Variants in SPOCK1 observed in about 807,000 individuals in gnomAD.
The protein encoded by SPOCK1 is SPARC (osteonectin), cwcv and kazal like domains proteoglycan 1, also known as testican-1.
In SPOCK1, 23 loss-of-function variants were observed where a neutral mutation model predicts 55.3. The observed-to-expected ratio is 0.42, with a 90% CI of 0.30 to 0.59. The LOEUF (loss-of-function observed/expected upper bound fraction) is 0.59. SPOCK1 is among the 20% of genes least tolerant of loss of function. SPOCK1 has a pLI of 0.22. For synonymous variants in SPOCK1, 226 were observed against 221.0 expected, an observed-to-expected ratio of 1.02 and a Z score of -0.20; for missense variants, 499 against 552.5, an observed-to-expected ratio of 0.90 and a Z score of 0.97.
chr5:137,032,880 G>A (rs1751808696), intron 6 of SPOCK1, among the ~76,000 whole-genome samples: 2 of 151,936 alleles, frequency 1.3e-5, no homozygotes, highest in African/African-American at 4.8e-5. Flanking sequence ...GGCAGAGAAG[G>A]AGGGGGCAAC....
intron 2 of SPOCK1, among the ~76,000 whole-genome samples, chr5:137,326,137 TAGG>T (rs943221656): frequency 2.0e-5 from 3 of 152,084 alleles, no homozygotes; most frequent in African/African-American, 4.8e-5. Context: ...GCACTGATGA[TAGG>T]AGAAGAGGAA....
chr5:137,414,285 T>C (rs1752282774), intron 2 of SPOCK1, among the ~76,000 whole-genome samples: 1 of 152,232 alleles, frequency 6.6e-6, no homozygotes, highest in Non-Finnish European at 1.5e-5. Context: ...CCAGTATTTC[T>C]GAGTGGCAAA....
At chr5:137,027,155 C>T (rs925125130) in intron 6 of SPOCK1, among the ~76,000 whole-genome samples, 12 of 152,306 alleles carry the variant, frequency 7.9e-5, no homozygotes, top group African/African-American at 2.6e-4. Context: ...GCAAGAATTC[C>T]TGTGAGAGAC....
At chr5:137,265,144 T>C (rs1756825273) in intron 3 of SPOCK1, among the ~76,000 whole-genome samples, 1 of 152,214 alleles carries the variant, frequency 6.6e-6, no homozygotes, top group Non-Finnish European at 1.5e-5. Context: ...GGTGATTTTG[T>C]GGTTCCCAAA....
intron 2 of SPOCK1, among the ~76,000 whole-genome samples, chr5:137,314,994 A>T (rs915296969): frequency 2.6e-5 from 4 of 152,196 alleles, no homozygotes; most frequent in African/African-American, 9.7e-5. Context: ...GAGTGGCTGT[A>T]TGCACCAAAG....
chr5:137,438,671 G>A (rs1032939728), intron 2 of SPOCK1, among the ~76,000 whole-genome samples: 24 of 130,854 alleles, frequency 1.8e-4, no homozygotes, highest in Non-Finnish European at 3.8e-4. Context: ...CACACACACA[G>A]AAGCCACCAA....
chr5:137,498,171 G>A (rs1017731539), intron 2 of SPOCK1, among the ~76,000 whole-genome samples: 1 of 152,016 alleles, frequency 6.6e-6, no homozygotes, highest in South Asian at 2.1e-4. Context: ...TGGAGCCTTC[G>A]AAGTTCTCTT....
At chr5:137,181,886 C>G (rs1754977937) in intron 3 of SPOCK1, among the ~76,000 whole-genome samples, 1 of 152,212 alleles carries the variant, frequency 6.6e-6, no homozygotes, top group South Asian at 2.1e-4. Context: ...GACTGCAGGG[C>G]ATGGTAGACA....
Position 137,366,733 on chromosome 5 carries a change from G to A in SPOCK1, c.187-99678C>T, listed in dbSNP as rs149330206. On this transcript the variant is annotated intron_variant, in intron 2 of 10. Coordinates refer to ENST00000394945, the MANE Select transcript of SPOCK1 (RefSeq NM_004598.4). ...CTGCCAAGATATAAGTGATTAAGTA[G>A]GAGTTTAGTCAAAACAGATGCGGCA... is the stretch of plus-strand genomic sequence containing the variant. Among the ~76,000 whole-genome samples, 6 of 152,340 alleles carry A rather than the reference G, an allele frequency of 3.9e-5. No individual in the cohort carries two copies. In the East Asian group the frequency reaches 1.2e-3, roughly 29 times the overall value.
At chr5:137,037,412 G>T (rs1486135565) in intron 6 of SPOCK1, among the ~76,000 whole-genome samples, 1 of 151,092 alleles carries the variant, frequency 6.6e-6, no homozygotes. Flanking sequence ...CTCCATGAGA[G>T]CAAACCTTCC....
At chr5:137,075,712 T>C (rs1752744061) in intron 5 of SPOCK1, among the ~76,000 whole-genome samples, 1 of 152,142 alleles carries the variant, frequency 6.6e-6, no homozygotes, top group African/African-American at 2.4e-5. Context: ...CTTGCTGTCC[T>C]CCAGGCAATG....
intron 3 of SPOCK1, among the ~76,000 whole-genome samples, chr5:137,259,208 T>C (rs1756698565): frequency 6.6e-6 from 1 of 152,182 alleles, no homozygotes; most frequent in Non-Finnish European, 1.5e-5. Context: ...ACTGCGACAC[T>C]GTTCACAATA....
intron 2 of SPOCK1, among the ~76,000 whole-genome samples, chr5:137,427,918 A>T (rs1005340773): frequency 6.6e-6 from 1 of 151,700 alleles, no homozygotes; most frequent in Admixed American, 6.6e-5. Context: ...AAAAAAAAAA[A>T]AAAAAAAAAG....
chr5:136,986,606 AC>A (rs1750847287), intron 8 of SPOCK1, among the ~76,000 whole-genome samples: 1 of 152,176 alleles, frequency 6.6e-6, no homozygotes, highest in Non-Finnish European at 1.5e-5. Flanking sequence ...AAGCAAACCA[AC>A]CAGAATAACT....
chr5:137,076,062 C>T (rs1458360737), intron 5 of SPOCK1, among the ~76,000 whole-genome samples: 1 of 152,216 alleles, frequency 6.6e-6, no homozygotes, highest in African/African-American at 2.4e-5. Context: ...GGAGGACAAC[C>T]TGCTGTACAT....
At chr5:137,029,133 T>G (rs1751731311) in intron 6 of SPOCK1, among the ~76,000 whole-genome samples, 1 of 152,032 alleles carries the variant, frequency 6.6e-6, no homozygotes, top group Non-Finnish European at 1.5e-5. Context: ...AGGATGTGAG[T>G]ATTTTGGTCT....
intron 2 of SPOCK1, among the ~76,000 whole-genome samples, chr5:137,309,243 C>T (rs1757749899): frequency 6.6e-6 from 1 of 152,192 alleles, no homozygotes; most frequent in Non-Finnish European, 1.5e-5. Context: ...GCTTTCCAAA[C>T]TGGTTCCTGG....
At chr5:137,482,866 C>A (rs1753978972) in intron 2 of SPOCK1, among the ~76,000 whole-genome samples, 1 of 152,172 alleles carries the variant, frequency 6.6e-6, no homozygotes, top group African/African-American at 2.4e-5. Flanking sequence ...CTCAGGGTAA[C>A]AAAATCAAAC....
chr5:137,248,722 A>G (rs1756450308), intron 3 of SPOCK1, among the ~76,000 whole-genome samples: 1 of 152,190 alleles, frequency 6.6e-6, no homozygotes, highest in East Asian at 1.9e-4. Flanking sequence ...ATGCATATTC[A>G]AAGAGATGAT....
Sources: allele counts gnomAD v4.1 joint callset (sites outside exome capture counted in the v4.1 genomes callset), GRCh38; gene constraint gnomAD v4.1.1; transcripts MANE v1.5; gene names NCBI Gene and HGNC (gene_info 2026-07-23, HGNC 2026-07-21).